CTNNA3: variants seen among roughly 807,000 people sequenced by gnomAD.
CTNNA3 encodes the protein catenin alpha 3.
CTNNA3 carries 76 observed loss-of-function variants against 95.7 expected under a neutral mutation model. The observed-to-expected ratio is 0.79, with a 90% confidence interval of 0.66 to 0.96. The LOEUF (loss-of-function observed/expected upper bound fraction) is 0.96, where lower values mean the gene tolerates loss of function less well. Ranked by LOEUF, CTNNA3 falls within the 40% of genes least tolerant of loss-of-function variation. The pLI, the probability that CTNNA3 is intolerant of heterozygous loss-of-function variation, is 0.00. For missense variants in CTNNA3, 1,191 were observed against 1,089.8 expected, an observed-to-expected ratio of 1.09 and a Z score of -1.31; for synonymous variants, 431 against 374.4, an observed-to-expected ratio of 1.15 and a Z score of -1.74.
intron 12 of CTNNA3, among the ~76,000 whole-genome samples, chr10:66,329,970 G>A (rs1486939876): frequency 2.0e-5 from 3 of 151,990 alleles, no homozygotes; most frequent in African/African-American, 7.2e-5. Flanking sequence ...AATATTGCAT[G>A]CTTGGTTAAA....
intron 5 of CTNNA3, among the ~76,000 whole-genome samples, chr10:67,390,947 T>C (rs1844445748): frequency 6.6e-6 from 1 of 152,110 alleles, no homozygotes; most frequent in Non-Finnish European, 1.5e-5. Flanking sequence ...ACAGCCAATA[T>C]CATACTGAAT....
intron 5 of CTNNA3, among the ~76,000 whole-genome samples, chr10:67,234,507 G>A (rs1009294061): frequency 2.6e-5 from 4 of 152,118 alleles, no homozygotes; most frequent in South Asian, 2.1e-4. Context: ...TTGATGGGGC[G>A]TATTTCAAAA....
At chr10:66,000,556 A>G (rs1298050324) in intron 15 of CTNNA3, among the ~76,000 whole-genome samples, 2 of 152,168 alleles carry the variant, frequency 1.3e-5, no homozygotes, top group African/African-American at 4.8e-5. Context: ...TGAAAACATA[A>G]TAGTATTAAA....
intron 6 of CTNNA3, among the ~76,000 whole-genome samples, chr10:67,198,355 G>T (rs10823003): frequency 2.0e-5 from 3 of 151,884 alleles, no homozygotes; most frequent in African/African-American, 7.3e-5. Context: ...CAGTCACGAA[G>T]GTCTTACTTT....
intron 7 of CTNNA3, among the ~76,000 whole-genome samples, chr10:67,002,970 C>T (rs1482072033): frequency 6.6e-6 from 1 of 152,094 alleles, no homozygotes; most frequent in Non-Finnish European, 1.5e-5. Flanking sequence ...CTTGTGGCTG[C>T]CGAATAAAAT....
intron 5 of CTNNA3, among the ~76,000 whole-genome samples, chr10:67,264,388 C>A (rs2132399394): frequency 6.6e-6 from 1 of 152,240 alleles, no homozygotes; most frequent in Admixed American, 6.5e-5. Context: ...TTACTATGTT[C>A]CAGGTATACT....
At chr10:66,439,097 T>C (rs1022199989) in intron 11 of CTNNA3, among the ~76,000 whole-genome samples, 8 of 152,144 alleles carry the variant, frequency 5.3e-5, no homozygotes, top group Admixed American at 3.3e-4. Flanking sequence ...ACCTTCTGCA[T>C]TGATCTCCCT....
chr10:66,294,665 T>A (rs1167141842), intron 12 of CTNNA3, among the ~76,000 whole-genome samples: 1 of 152,134 alleles, frequency 6.6e-6, no homozygotes, highest in Non-Finnish European at 1.5e-5. Context: ...AGATAGAAAC[T>A]TCACGATTTT....
At chr10:66,043,810 G>A (rs939725215) in intron 15 of CTNNA3, among the ~76,000 whole-genome samples, 1 of 152,098 alleles carries the variant, frequency 6.6e-6, no homozygotes, top group Admixed American at 6.6e-5. Context: ...TTAAACACCA[G>A]TCAAACACAT....
chr10:67,045,590 T>A (rs749083520), intron 7 of CTNNA3, among the ~76,000 whole-genome samples: 2 of 152,186 alleles, frequency 1.3e-5, no homozygotes, highest in Non-Finnish European at 1.5e-5. Context: ...TTCCATTGCG[T>A]GACGGGCAAG....
intron 1 of CTNNA3, among the ~76,000 whole-genome samples, chr10:67,748,690 A>G (rs970299511): frequency 1.3e-5 from 2 of 152,242 alleles, no homozygotes; most frequent in Non-Finnish European, 2.9e-5. Flanking sequence ...AAGAAACTGC[A>G]TCAACTAGTC....
intron 5 of CTNNA3, among the ~76,000 whole-genome samples, chr10:67,464,871 A>AAAAAAG (rs1847524756): frequency 6.8e-6 from 1 of 146,216 alleles, no homozygotes; most frequent in Admixed American, 6.7e-5. Context: ...TAAGAAAAAA[A>AAAAAAG]AAAAAGAAAA....
intron 3 of CTNNA3, among the ~76,000 whole-genome samples, chr10:67,556,988 A>G (rs1841283591): frequency 2.0e-5 from 3 of 152,110 alleles, no homozygotes. Context: ...GAATATCTTT[A>G]TTTCTGCCTT....
chr10:65,925,625 C>T (rs553453875), intron 17 of CTNNA3, among the ~76,000 whole-genome samples: 8 of 152,108 alleles, frequency 5.3e-5, no homozygotes, highest in Non-Finnish European at 1.0e-4. Context: ...TTAGTAGAGA[C>T]GGGTTTTCAC....
chr10:67,756,374 A>AT (rs1439103703), intron 1 of CTNNA3, among the ~76,000 whole-genome samples: 1 of 152,238 alleles, frequency 6.6e-6, no homozygotes, highest in Non-Finnish European at 1.5e-5. Flanking sequence ...GGTGATGGAT[A>AT]TCCTAACTAC....
chr10:66,899,760 T>C (rs1845655329), intron 7 of CTNNA3, among the ~76,000 whole-genome samples: 1 of 151,956 alleles, frequency 6.6e-6, no homozygotes, highest in African/African-American at 2.4e-5. Flanking sequence ...AGCACAGCAG[T>C]CTGAGATCAA....
chr10:66,240,426 T>C (rs1161505420), intron 13 of CTNNA3, among the ~76,000 whole-genome samples: 1 of 152,074 alleles, frequency 6.6e-6, no homozygotes, highest in Admixed American at 6.6e-5. Flanking sequence ...CTTCTGAATA[T>C]GTACTAGCCG....
chr10:67,376,626 A>G (rs1424595719), intron 5 of CTNNA3, among the ~76,000 whole-genome samples: 1 of 152,198 alleles, frequency 6.6e-6, no homozygotes, highest in Non-Finnish European at 1.5e-5. Context: ...CTGTTCACAC[A>G]TTCAGCTTTA....
At chr10:66,179,731 A>G (rs2085938105) in intron 13 of CTNNA3, among the ~76,000 whole-genome samples, 1 of 152,036 alleles carries the variant, frequency 6.6e-6, no homozygotes, top group Admixed American at 6.6e-5. Context: ...CGGGAAACTT[A>G]TACTGCTGTG....
Sources: gnomAD v4.1 joint callset for allele counts (sites outside exome capture counted in the v4.1 genomes callset) on GRCh38, gnomAD v4.1.1 for gene constraint, MANE v1.5 for transcripts, NCBI Gene and HGNC (gene_info 2026-07-23, HGNC 2026-07-21) for gene names.